Variants in ELP4 observed in about 807,000 individuals in gnomAD.
ELP4 encodes the protein elongator complex protein 4.
In ELP4, 51 loss-of-function variants were observed where a neutral mutation model predicts 48.9. That is an observed-to-expected ratio of 1.04 (90% CI 0.83 to 1.32). The LOEUF is 1.32. Among genes scored for constraint, ELP4 ranks in the 40% most tolerant of loss-of-function variants. The probability of loss-of-function intolerance (pLI) is 0.00; values close to 1 mark genes in which losing one functional copy is unlikely to be tolerated. For synonymous variants in ELP4, 210 were observed against 189.2 expected, an observed-to-expected ratio of 1.11 and a Z score of -0.90; for missense variants, 519 against 514.6, an observed-to-expected ratio of 1.01 and a Z score of -0.08.
chr11:31,746,639 C>G (rs1947598755), intron 9 of ELP4, among the ~76,000 whole-genome samples: 1 of 151,726 alleles, frequency 6.6e-6, no homozygotes, highest in Non-Finnish European at 1.5e-5. Flanking sequence ...ATCGCAAGGA[C>G]AAAAAACCAA....
rs1947799349 is a variant in ELP4 at position 31,754,848 on chromosome 11, G to A, written c.1144-28545G>A. On this transcript the variant is annotated intron_variant, in intron 9 of 9. Coordinates refer to ENST00000640961, the MANE Select transcript of ELP4 (RefSeq NM_019040.5). The stretch of plus-strand genomic sequence containing the variant: ...GATCACGCCATTATACTTCAGCCTG[G>A]GTGACAGAGCAAGACTCTATGTCAA... Among the ~76,000 whole-genome samples the A allele has an allele frequency of 2.6e-5, 4 of 152,238 alleles. No homozygotes were observed. In the South Asian group the frequency reaches 8.3e-4, roughly 32 times the overall value.
intron 9 of ELP4, among the ~76,000 whole-genome samples, chr11:31,771,421 G>A (rs189268166): frequency 6.2e-4 from 94 of 152,114 alleles, no homozygotes; most frequent in Middle Eastern, 3.4e-3. Flanking sequence ...ATAGAAATAA[G>A]CTCACATCAC....
intron 1 of ELP4, chr11:31,511,712 A>G (rs1175383068): frequency 6.6e-6 from 1 of 152,174 alleles, no homozygotes. Context: ...TTGACCATTT[A>G]TTGAACCTCG....
In ELP4 at chr11:31,783,558, A is replaced by G. The variant is rs762733134; in HGVS notation, c.*34A>G. The G allele has an allele frequency of 2.4e-5, 39 of 1,601,362 alleles. No homozygotes were observed. The highest frequency in any genetic ancestry group is 8.0e-5 in the African/African-American group (6 of 74,542). On this transcript the variant is annotated 3_prime_UTR_variant, in exon 10 of 10. Transcript: ENST00000640961. Reference sequence around the variant, plus strand: ...CCTTAGTCGCTGCATGCAGAATTCTATGACACTCTAATTATGATTGCTAAT... The same window carrying G: ...CCTTAGTCGCTGCATGCAGAATTCTGTGACACTCTAATTATGATTGCTAAT...
intron 4 of ELP4, among the ~76,000 whole-genome samples, chr11:31,595,746 A>G (rs1314945242): frequency 2.0e-5 from 3 of 152,156 alleles, no homozygotes; most frequent in Non-Finnish European, 4.4e-5. Context: ...ATTCTTCTCT[A>G]CAGGAATGTT....
intron 3 of ELP4, among the ~76,000 whole-genome samples, chr11:31,547,755 G>T (rs1334670367): frequency 6.6e-6 from 1 of 152,092 alleles, no homozygotes; most frequent in African/African-American, 2.4e-5. Flanking sequence ...CTGGCAAACC[G>T]AATCCAGCAG....
chr11:31,684,640 A>C (rs1415578589), intron 9 of ELP4, among the ~76,000 whole-genome samples: 1 of 152,196 alleles, frequency 6.6e-6, no homozygotes, highest in Non-Finnish European at 1.5e-5. Context: ...TACGTATATG[A>C]TCACCTGTGA....
intron 3 of ELP4, among the ~76,000 whole-genome samples, chr11:31,547,674 A>G (rs1956756712): frequency 6.6e-6 from 1 of 152,152 alleles, no homozygotes; most frequent in Admixed American, 6.5e-5. Context: ...CCGGGCAGAG[A>G]CACAACCAAA....
rs747746346 is a variant in ELP4 at position 31,509,923 on chromosome 11, G to T, written c.139G>T (p.Val47Leu). Residue 47 changes from valine to leucine, a missense_variant, in exon 1 of 10, where the codon GTG (valine) becomes TTG (leucine). Transcript: ENST00000640961. ...SVTNDSGPRLVSIAGTRPSVR... is the reference protein window; with the variant it reads ...SVTNDSGPRLLSIAGTRPSVR... ...GACCAACGACAGCGGCCCTCGACTG[G>T]TGTCCATTGCGGGCACGCGACCGTC... The T allele has an allele frequency of 2.7e-5, 44 of 1,613,930 alleles. No homozygotes were observed. The highest frequency in any genetic ancestry group is 3.7e-5 in the Non-Finnish European group (44 of 1,180,032).
At chr11:31,531,781 C>G (rs1956400182) in intron 2 of ELP4, among the ~76,000 whole-genome samples, 1 of 152,036 alleles carries the variant, frequency 6.6e-6, no homozygotes, top group Non-Finnish European at 1.5e-5. Context: ...TAGATTTGCT[C>G]TTTAGAAAAA....
At chr11:31,655,591 G>A (rs1945416597) in intron 9 of ELP4, among the ~76,000 whole-genome samples, 1 of 151,966 alleles carries the variant, frequency 6.6e-6, no homozygotes, top group Non-Finnish European at 1.5e-5. Context: ...AAGGTTTGGA[G>A]GCCAGCTTAG....
intron 1 of ELP4, among the ~76,000 whole-genome samples, chr11:31,514,414 A>C (rs1956068647): frequency 6.6e-6 from 1 of 152,172 alleles, no homozygotes; most frequent in African/African-American, 2.4e-5. Flanking sequence ...AGCAGTGATC[A>C]CACCACTATA....
At chr11:31,655,041 ATC>A (rs1945399824) in intron 9 of ELP4, among the ~76,000 whole-genome samples, 1 of 152,032 alleles carries the variant, frequency 6.6e-6, no homozygotes, top group Non-Finnish European at 1.5e-5. Flanking sequence ...GAACATAGGC[ATC>A]TATTCATTTA....
rs1948426456 is a variant in ELP4 at position 31,783,474 on chromosome 11, G to C, written c.1225G>C (p.Gly409Arg). 2 of 1,613,992 alleles carry C rather than the reference G, an allele frequency of 1.2e-6. No individual in the cohort carries two copies. Among genetic ancestry groups the C allele is most frequent in the Non-Finnish European group, 1.7e-6 (2 of 1,179,972 alleles). The change falls in exon 10 of 10, where the codon GGC (glycine) becomes CGC (arginine). Residue 409 changes from glycine to arginine, a missense_variant. Gly to Arg is a moderately radical substitution (Grantham distance 125). Coordinates refer to ENST00000640961, the MANE Select transcript of ELP4 (RefSeq NM_019040.5). ...TCTGGCAGAATCCGCCAAGCGGCTG[G>C]GCCCAGGCTGTGGCATGATGGCCGG... ...MDLAESAKRL[G>R]PGCGMMAGGK...
At chr11:31,652,012 T>A (rs1945330495) in intron 9 of ELP4, 1 of 151,718 alleles carries the variant, frequency 6.6e-6, no homozygotes, top group Admixed American at 6.6e-5. Context: ...TCAGAGCTGA[T>A]GAAAGATCTT....
At position 31,726,027 on chromosome 11, in the gene ELP4, G is replaced by C. The variant is rs75885786; in HGVS notation, c.1144-57366G>C. ...GATTCTAAGAATGCTTAACAAAGGA[G>C]GGTGGTATATCAGATAGACTTTGGC... On this transcript the variant is annotated intron_variant, in intron 9 of 9. Transcript: ENST00000640961. Among the ~76,000 whole-genome samples the C allele has an allele frequency of 1.5e-3, 233 of 152,336 alleles. 1 individual carries two copies. Among genetic ancestry groups the C allele is most frequent in the Middle Eastern group, 0.01 (3 of 294 alleles).
chr11:31,576,704 C>T (rs374672413), intron 3 of ELP4, among the ~76,000 whole-genome samples: 6 of 151,958 alleles, frequency 3.9e-5, no homozygotes, highest in Admixed American at 6.6e-5. Flanking sequence ...GGGTACATAA[C>T]GAAATGAAGG....
Position 31,790,262 on chromosome 11 carries a change from A to G in ELP4, c.*6738A>G, listed in dbSNP as rs1385422745. On this transcript the variant is annotated 3_prime_UTR_variant, in exon 10 of 10. Transcript: ENST00000640961. ...CCCCACCCCAATCCAAAGGAAAAGAAAAAAAAAATCCTCTGTTTGTTTGCA... is the reference window on the plus strand; with the variant it reads ...CCCCACCCCAATCCAAAGGAAAAGAGAAAAAAAATCCTCTGTTTGTTTGCA... The G allele has an allele frequency of 2.3e-6, 1 of 434,592 alleles. No homozygotes were observed. The highest frequency in any genetic ancestry group is 3.6e-6 in the Non-Finnish European group (1 of 276,812). 26.9% of individuals were successfully genotyped at this position (434,592 alleles called of 1,614,324 possible).
chr11:31,599,914 C>A (rs549724916), intron 4 of ELP4: 1 of 152,268 alleles, frequency 6.6e-6, no homozygotes, highest in South Asian at 2.1e-4. Context: ...AGATTGGGCA[C>A]ATTCAGGGTG....
Sources: allele counts gnomAD v4.1 joint callset (sites outside exome capture counted in the v4.1 genomes callset), GRCh38; gene constraint gnomAD v4.1.1; transcripts MANE v1.5; gene names NCBI Gene and HGNC (gene_info 2026-07-23, HGNC 2026-07-21).